The following STK39 variants were observed in gnomAD, a reference collection of about 807,000 sequenced individuals.
The protein encoded by STK39 is serine/threonine kinase 39, also known as STE20/SPS1-related proline-alanine-rich protein kinase.
Under a neutral mutation model 77.8 loss-of-function variants are expected in STK39, and 20 were observed. The observed-to-expected ratio is 0.26, with a 90% confidence interval of 0.18 to 0.37. The LOEUF (loss-of-function observed/expected upper bound fraction) is 0.37. Among genes scored for constraint, STK39 ranks in the 10% least tolerant of loss-of-function variants. The pLI is 1.00. For missense variants in STK39, 479 were observed against 656.5 expected, an observed-to-expected ratio of 0.73 and a Z score of 2.95; for synonymous variants, 246 against 234.1, an observed-to-expected ratio of 1.05 and a Z score of -0.47.
At position 168,156,058 on chromosome 2, in the gene STK39, G is replaced by C. The variant is rs182286379; in HGVS notation, c.628+5729C>G. ...TCTGAAGGGAAGATGGGAAAGTAAA[G>C]GCCCAATGTCAGTGCTGTGTCATAG... On this transcript the variant is annotated intron_variant, in intron 5 of 17. Coordinates refer to ENST00000355999, the MANE Select transcript of STK39 (RefSeq NM_013233.3). Among the ~76,000 whole-genome samples the C allele has an allele frequency of 1.3e-3, 192 of 152,304 alleles. 1 individual carries two copies. Among genetic ancestry groups the C allele is most frequent in the African/African-American group, 3.8e-3 (159 of 41,566 alleles).
intron 1 of STK39, among the ~76,000 whole-genome samples, chr2:168,226,360 C>T (rs1690305945): frequency 6.6e-6 from 1 of 152,136 alleles, no homozygotes; most frequent in Non-Finnish European, 1.5e-5. Context: ...CCTATTCCCA[C>T]ATCTACCTTT....
intron 4 of STK39, among the ~76,000 whole-genome samples, chr2:168,162,962 G>C (rs1250560133): frequency 6.6e-6 from 1 of 151,838 alleles, no homozygotes; most frequent in African/African-American, 2.4e-5. Flanking sequence ...GGGAGGCAGA[G>C]GTTGCAGTGA....
chr2:167,985,016 C>A (rs896946418), intron 16 of STK39, among the ~76,000 whole-genome samples: 1 of 152,128 alleles, frequency 6.6e-6, no homozygotes, highest in African/African-American at 2.4e-5. Context: ...CAGTACCTGG[C>A]TTTACTACTC....
chr2:168,148,214 C>G (rs1433264314), intron 5 of STK39, among the ~76,000 whole-genome samples: 1 of 152,188 alleles, frequency 6.6e-6, no homozygotes, highest in African/African-American at 2.4e-5. Flanking sequence ...ATAATTAAAT[C>G]CAGCCTTTGG....
At chr2:168,152,677 A>G (rs1688320988) in intron 5 of STK39, among the ~76,000 whole-genome samples, 1 of 152,214 alleles carries the variant, frequency 6.6e-6, no homozygotes, top group Admixed American at 6.5e-5. Flanking sequence ...ATCTGAAGGA[A>G]CTATTGTGCT....
At chr2:168,243,289 C>A (rs192187353) in intron 1 of STK39, among the ~76,000 whole-genome samples, 4 of 152,138 alleles carry the variant, frequency 2.6e-5, no homozygotes, top group African/African-American at 7.2e-5. Flanking sequence ...TCTCATTTTA[C>A]AAGAGGCTGT....
intron 1 of STK39, among the ~76,000 whole-genome samples, chr2:168,245,040 C>G (rs1360052944): frequency 6.6e-6 from 1 of 152,152 alleles, no homozygotes; most frequent in Non-Finnish European, 1.5e-5. Flanking sequence ...TAATAATTGA[C>G]CAAGTAGGTA....
chr2:167,956,418 T>G (rs1691764766), intron 17 of STK39, among the ~76,000 whole-genome samples: 2 of 151,898 alleles, frequency 1.3e-5, no homozygotes, highest in South Asian at 2.1e-4. Flanking sequence ...TTAGCCAGGT[T>G]TGGTGGCACA....
intron 5 of STK39, among the ~76,000 whole-genome samples, chr2:168,159,133 C>T (rs146099408): frequency 2.1e-4 from 32 of 152,162 alleles, no homozygotes; most frequent in Admixed American, 9.8e-4. Flanking sequence ...AAACAGTGCA[C>T]ACAATAATAT....
At chr2:168,116,757 G>A (rs1238031878) in intron 10 of STK39, among the ~76,000 whole-genome samples, 1 of 152,148 alleles carries the variant, frequency 6.6e-6, no homozygotes, top group African/African-American at 2.4e-5. Flanking sequence ...TCCCCGTGAT[G>A]CATAAAAGTG....
Position 168,232,890 on chromosome 2 carries a change from C to T in STK39, c.208+14338G>A, listed in dbSNP as rs184295046. 1.3e-4 allele frequency among the ~76,000 whole-genome samples: 20 copies of T among 149,706 alleles called. No individual in the cohort carries two copies. The East Asian group carries it at 1.4e-3, about 10-fold the overall frequency. On this transcript the variant is annotated intron_variant, in intron 1 of 17. Transcript: ENST00000355999. The stretch of plus-strand genomic sequence containing the variant: ...TCGCGCCATTGCACTCCAGCCTGGG[C>T]GACAGAGTGAGATGCTGTCTCAAAA...
chr2:168,200,279 T>C (rs565262501), intron 1 of STK39, among the ~76,000 whole-genome samples: 1 of 152,166 alleles, frequency 6.6e-6, no homozygotes, highest in Non-Finnish European at 1.5e-5. Flanking sequence ...GATCAGCACA[T>C]GTTAAACTTA....
At chr2:168,033,556 G>A (rs1329600859) in intron 14 of STK39, among the ~76,000 whole-genome samples, 2 of 152,198 alleles carry the variant, frequency 1.3e-5, no homozygotes, top group African/African-American at 4.8e-5. Flanking sequence ...CTAAAACGCT[G>A]TTCCTGAGCC....
At chr2:168,206,341 C>G (rs1318273949) in intron 1 of STK39, among the ~76,000 whole-genome samples, 1 of 149,788 alleles carries the variant, frequency 6.7e-6, no homozygotes, top group African/African-American at 2.5e-5. Context: ...TTTCTTGTTG[C>G]CCAGGCTGGA....
At chr2:168,228,134 G>C (rs1200257670) in intron 1 of STK39, among the ~76,000 whole-genome samples, 2 of 152,144 alleles carry the variant, frequency 1.3e-5, no homozygotes, top group Non-Finnish European at 2.9e-5. Context: ...ATTTAAGTAT[G>C]AGAAAAAATA....
intron 10 of STK39, among the ~76,000 whole-genome samples, chr2:168,111,573 T>C (rs1451602834): frequency 6.6e-6 from 1 of 152,220 alleles, no homozygotes; most frequent in Non-Finnish European, 1.5e-5. Context: ...TAGCTGATTT[T>C]AGGATCTTCT....
intron 16 of STK39, among the ~76,000 whole-genome samples, chr2:167,964,930 A>G (rs1382388315): frequency 6.6e-6 from 1 of 152,222 alleles, no homozygotes; most frequent in African/African-American, 2.4e-5. Flanking sequence ...GCAATCTTGT[A>G]TCTATGCACA....
At chr2:168,032,759 C>A (rs116607250) in intron 14 of STK39, among the ~76,000 whole-genome samples, 1 of 152,154 alleles carries the variant, frequency 6.6e-6, no homozygotes, top group Non-Finnish European at 1.5e-5. Flanking sequence ...AGTGCCCCTG[C>A]GACTGGAGAG....
intron 1 of STK39, among the ~76,000 whole-genome samples, chr2:168,190,095 T>C (rs1039128242): frequency 6.6e-6 from 1 of 152,194 alleles, no homozygotes; most frequent in Admixed American, 6.5e-5. Flanking sequence ...AGAACTTCTA[T>C]GCTTGTGGAG....
Sources: gnomAD v4.1 joint callset for allele counts (sites outside exome capture counted in the v4.1 genomes callset) on GRCh38, gnomAD v4.1.1 for gene constraint, MANE v1.5 for transcripts, NCBI Gene and HGNC (gene_info 2026-07-23, HGNC 2026-07-21) for gene names.